Variants in PDE9A observed in about 807,000 individuals in gnomAD.
PDE9A encodes the protein high affinity cGMP-specific 3',5'-cyclic phosphodiesterase 9A.
In PDE9A, 60 loss-of-function variants were observed where a neutral mutation model predicts 87.4. The observed-to-expected ratio is 0.69, with a 90% CI of 0.56 to 0.85. PDE9A has a LOEUF of 0.85. Among genes scored for constraint, PDE9A ranks in the 40% least tolerant of loss-of-function variants. PDE9A has a pLI of 0.00. For missense variants in PDE9A, 665 were observed against 779.0 expected (o/e 0.85, Z 1.74); for synonymous variants, 272 against 279.4 (o/e 0.97, Z 0.27).
chr21:42,742,979 G>T (rs1411574250), intron 7 of PDE9A, among the ~76,000 whole-genome samples: 3 of 152,200 alleles, frequency 2.0e-5, no homozygotes, highest in Non-Finnish European at 4.4e-5. Flanking sequence ...GTGGCTGTTA[G>T]TCTCGTCCCC....
At chr21:42,741,973 A>G (rs2053319505) in intron 7 of PDE9A, among the ~76,000 whole-genome samples, 1 of 152,216 alleles carries the variant, frequency 6.6e-6, no homozygotes, top group African/African-American at 2.4e-5. Context: ...ATTACAAAGT[A>G]ACAAAGCTAA....
rs2146828589 is a variant in PDE9A at position 42,739,390 on chromosome 21, G to T, written c.569-4386G>T. Reference sequence around the variant, plus strand: ...GAGCTGTGGAATCTTCCCCAAAGCAGCCGGGTGTCCTGGAAAGGCCAGGGA... The same window carrying T: ...GAGCTGTGGAATCTTCCCCAAAGCATCCGGGTGTCCTGGAAAGGCCAGGGA... On this transcript the variant is annotated intron_variant, in intron 7 of 19. Transcript: ENST00000291539. This position sits in a 1 kb window ranked among gnomAD's most constrained non-coding sequence, Gnocchi z 4.1. Among the ~76,000 whole-genome samples, 1 of 152,300 alleles carries T rather than the reference G, an allele frequency of 6.6e-6. No homozygotes were observed. Among genetic ancestry groups the T allele is most frequent in the Non-Finnish European group, 1.5e-5 (1 of 68,018 alleles).
At chr21:42,746,196 C>T (rs1183573582) in intron 8 of PDE9A, among the ~76,000 whole-genome samples, 3 of 152,174 alleles carry the variant, frequency 2.0e-5, no homozygotes, top group South Asian at 4.1e-4. Flanking sequence ...CCGCTCCTGG[C>T]GTGGTTTCTG....
At chr21:42,766,854 C>T (rs1184237635) in intron 15 of PDE9A, among the ~76,000 whole-genome samples, 1 of 152,140 alleles carries the variant, frequency 6.6e-6, no homozygotes, top group Non-Finnish European at 1.5e-5. Flanking sequence ...ATGCCTTCCT[C>T]CTCTGAGGTG....
chr21:42,772,359 CAGA>C, intron 18 of PDE9A, 77 bp from the exon 19 acceptor site: 1 of 928,250 alleles, frequency 1.1e-6, no homozygotes, highest in Non-Finnish European at 1.7e-6. Flanking sequence ...CTCCAGGCAA[CAGA>C]AGCTGCTGGG....
chr21:42,753,878 A>AAT, intron 9 of PDE9A, 112 bp from the exon 10 acceptor site: 2 of 549,796 alleles, frequency 3.6e-6, no homozygotes, highest in Non-Finnish European at 6.3e-6. Context: ...AAAAAAAAAA[A>AAT]GAAAGAAAGA....
intron 8 of PDE9A, among the ~76,000 whole-genome samples, chr21:42,744,660 G>A (rs1300374307): frequency 6.6e-6 from 1 of 152,172 alleles, no homozygotes; most frequent in Non-Finnish European, 1.5e-5. Context: ...GGGGGGCCCA[G>A]TGAGCTGTGA....
chr21:42,726,619 TA>T lies in PDE9A; in HGVS notation c.263-5150del, dbSNP rs1351826686. 4.6e-3 allele frequency among the ~76,000 whole-genome samples: 169 copies of T among 36,788 alleles called. 2 individuals carry two copies. The highest frequency in any genetic ancestry group is 5.9e-3 in the Non-Finnish European group (130 of 22,136). The allele number at this position is 36,788 out of a possible 152,430, so 24.1% of individuals were successfully genotyped here. A position where few individuals can be genotyped will look rare whatever the true frequency, so the allele number is the denominator to read the frequency against. ...ATATATATATATATATATATATATATATATATTTTTTTTTTTTTTTTTGTAG... is the reference window on the plus strand; with the variant it reads ...ATATATATATATATATATATATATATTATATTTTTTTTTTTTTTTTTGTAG... On this transcript the variant is annotated intron_variant, in intron 4 of 19. Coordinates refer to ENST00000291539, the MANE Select transcript of PDE9A (RefSeq NM_002606.3).
intron 14 of PDE9A, among the ~76,000 whole-genome samples, chr21:42,763,205 C>A (rs1047114383): frequency 6.6e-6 from 1 of 152,206 alleles, no homozygotes; most frequent in African/African-American, 2.4e-5. Flanking sequence ...TCGGAGTAAA[C>A]CCTGGGAGAA....
intron 3 of PDE9A, among the ~76,000 whole-genome samples, chr21:42,690,612 G>A (rs955233859): frequency 5.3e-5 from 8 of 152,038 alleles, no homozygotes; most frequent in South Asian, 2.1e-4. Flanking sequence ...CTGCACCCCC[G>A]TCTCCTTTGT....
At chr21:42,683,717 C>T (rs2059295209) in intron 1 of PDE9A, among the ~76,000 whole-genome samples, 1 of 152,198 alleles carries the variant, frequency 6.6e-6, no homozygotes, top group South Asian at 2.1e-4. Context: ...CGTAATCGCC[C>T]TCCCCTCGCC....
intron 10 of PDE9A, among the ~76,000 whole-genome samples, chr21:42,755,484 T>A (rs529809337): frequency 4.3e-4 from 65 of 152,286 alleles, no homozygotes; most frequent in African/African-American, 1.5e-3. Flanking sequence ...AGCCGCCACG[T>A]GGCAACTTGC....
chr21:42,677,358 T>A (rs2146052376), intron 1 of PDE9A, among the ~76,000 whole-genome samples: 1 of 152,288 alleles, frequency 6.6e-6, no homozygotes, highest in South Asian at 2.1e-4. Context: ...TTCCCTGACA[T>A]AGATATGTTT....
chr21:42,739,916 C>T lies in PDE9A; in HGVS notation c.569-3860C>T, dbSNP rs564246194. 3.9e-5 allele frequency among the ~76,000 whole-genome samples: 6 copies of T among 151,996 alleles called. No homozygotes were observed. Among genetic ancestry groups the T allele is most frequent in the South Asian group, 2.1e-4 (1 of 4,800 alleles). On this transcript the variant is annotated intron_variant, in intron 7 of 19. Transcript: ENST00000291539. This position sits in a 1 kb window ranked among gnomAD's most constrained non-coding sequence, Gnocchi z 4.1. The stretch of plus-strand genomic sequence containing the variant: ...TCAGTATGATAAATAGCATTTTCCT[C>T]GGGGGATAAAAAGAAAAACGTGAGC...
At chr21:42,755,980 C>T (rs1347884672) in intron 10 of PDE9A, among the ~76,000 whole-genome samples, 1 of 152,228 alleles carries the variant, frequency 6.6e-6, no homozygotes, top group Non-Finnish European at 1.5e-5. Context: ...GCTTGCCCCA[C>T]GAAGCTGGGG....
intron 9 of PDE9A, among the ~76,000 whole-genome samples, chr21:42,753,650 G>A (rs1477421653): frequency 1.3e-5 from 2 of 151,970 alleles, no homozygotes; most frequent in Non-Finnish European, 2.9e-5. Flanking sequence ...ATCACCTGAG[G>A]TCAGGAGTTC....
At chr21:42,657,043 G>A (rs991888779) in intron 1 of PDE9A, among the ~76,000 whole-genome samples, 1 of 152,250 alleles carries the variant, frequency 6.6e-6, no homozygotes, top group Non-Finnish European at 1.5e-5. Flanking sequence ...AACAGCAGCA[G>A]ACGTTGCAGG....
intron 1 of PDE9A, among the ~76,000 whole-genome samples, chr21:42,685,948 G>A (rs1214453118): frequency 6.6e-6 from 1 of 152,168 alleles, no homozygotes; most frequent in East Asian, 1.9e-4. Flanking sequence ...CAGGCGTGTG[G>A]GCAAGGGGGC....
intron 1 of PDE9A, among the ~76,000 whole-genome samples, chr21:42,674,316 C>CTTTTTTTTTTT (rs34238765): frequency 3.0e-5 from 4 of 134,590 alleles, no homozygotes; most frequent in African/African-American, 8.5e-5. Context: ...TTTAGACATT[C>CTTTTTTTTTTT]TTTTTTTTTT....
Sources: allele counts gnomAD v4.1 joint callset (sites outside exome capture counted in the v4.1 genomes callset), GRCh38; gene constraint gnomAD v4.1.1; non-coding constraint Gnocchi (gnomAD v3.1); transcripts MANE v1.5; gene names NCBI Gene and HGNC (gene_info 2026-07-23, HGNC 2026-07-21).